The following TM2D1 variants were observed in gnomAD, a reference collection of about 807,000 sequenced individuals.
The protein encoded by TM2D1 is TM2 domain-containing protein 1.
A neutral mutation model predicts 28.4 loss-of-function variants in TM2D1; 15 were observed. The ratio of observed to expected loss-of-function variants is 0.53; its 90% CI spans 0.35 to 0.81. The LOEUF is 0.81. Ranked by LOEUF, TM2D1 falls within the 40% of genes least tolerant of loss-of-function variation. The pLI, the probability that TM2D1 is intolerant of heterozygous loss-of-function variation, is 0.01. For synonymous variants in TM2D1, 93 were observed against 96.2 expected (o/e 0.97, Z 0.20); for missense variants, 236 against 254.9 (o/e 0.93, Z 0.50).
intron 2 of TM2D1, among the ~76,000 whole-genome samples, chr1:61,721,449 G>A (rs1406989494): frequency 1.3e-5 from 2 of 151,346 alleles, no homozygotes; most frequent in Non-Finnish European, 2.9e-5. Flanking sequence ...GGCTGAGGCA[G>A]GAGAATCACT....
chr1:61,721,772 G>T (rs960907184), intron 2 of TM2D1, among the ~76,000 whole-genome samples: 1 of 151,700 alleles, frequency 6.6e-6, no homozygotes, highest in Non-Finnish European at 1.5e-5. Context: ...TCAGGAGTTA[G>T]AATTGATTCA....
intron 2 of TM2D1, among the ~76,000 whole-genome samples, chr1:61,720,087 C>T (rs889905850): frequency 6.6e-6 from 1 of 152,094 alleles, no homozygotes; most frequent in African/African-American, 2.4e-5. Context: ...ACATACTATA[C>T]TTTAATACAA....
chr1:61,703,508 G>T (rs1474570472), intron 3 of TM2D1, among the ~76,000 whole-genome samples: 14 of 144,998 alleles, frequency 9.7e-5, no homozygotes, highest in Admixed American at 2.1e-4. Context: ...CACCTTCCGG[G>T]TTCAAGCAAT....
intron 2 of TM2D1, among the ~76,000 whole-genome samples, chr1:61,717,426 A>G (rs1644530361): frequency 6.6e-6 from 1 of 152,126 alleles, no homozygotes; most frequent in African/African-American, 2.4e-5. Flanking sequence ...AAATTAAGCA[A>G]CATGCTATAA....
At chr1:61,691,495 C>CAAAAAAAAAAAAA (rs1183951634) in intron 5 of TM2D1, among the ~76,000 whole-genome samples, 1 of 39,348 alleles carries the variant, frequency 2.5e-5, no homozygotes, top group Non-Finnish European at 5.1e-5. Flanking sequence ...AACTCCATCT[C>CAAAAAAAAAAAAA]AAAAAAAAAA....
chr1:61,709,113 C>A (rs956894029), intron 3 of TM2D1, among the ~76,000 whole-genome samples: 1 of 152,002 alleles, frequency 6.6e-6, no homozygotes, highest in African/African-American at 2.4e-5. Flanking sequence ...TGAAGTGAGC[C>A]GTGATCATGC....
chr1:61,700,973 A>G lies in TM2D1; in HGVS notation c.400T>C (p.Leu134=). ...AVALSLFLGW[L]GADRFYLGYP... is the part of the protein sequence containing the mutation. Reference sequence around the variant, plus strand: ...CCAAGGTAAAATCGATCTGCTCCCAACCATCCAAGAAAAAGAGACAATGCG... The same window carrying G: ...CCAAGGTAAAATCGATCTGCTCCCAGCCATCCAAGAAAAAGAGACAATGCG... The change falls in exon 4 of 7, where the codon TTG becomes CTG. Residue 134 remains leucine, a synonymous_variant. Transcript: ENST00000606498. The G allele has an allele frequency of 5.6e-6, 9 of 1,612,616 alleles. No homozygotes were observed. Among genetic ancestry groups the G allele is most frequent in the Non-Finnish European group, 7.6e-6 (9 of 1,179,274 alleles).
At chr1:61,716,375 ATATAATTT>A (rs1445629739) in intron 2 of TM2D1, among the ~76,000 whole-genome samples, 4 of 146,006 alleles carry the variant, frequency 2.7e-5, no homozygotes, top group Admixed American at 7.0e-5. Context: ...ATATATAATT[ATATAATTT>A]TATATATAAT....
Position 61,701,868 on chromosome 1 carries a change from T to A in TM2D1, c.348-843A>T, listed in dbSNP as rs1057369807. Among the ~76,000 whole-genome samples, 7 of 152,012 alleles carry A rather than the reference T, an allele frequency of 4.6e-5. No homozygotes were observed. In the South Asian group the frequency reaches 1.2e-3, roughly 27 times the overall value. ...ACAAGGCAGAAGCAAACAGGCTACA[T>A]GTGGGGAATGAGGGAAAAGGAGAAG... On this transcript the variant is annotated intron_variant, in intron 3 of 6. Coordinates refer to ENST00000606498, the MANE Select transcript of TM2D1 (RefSeq NM_032027.3).
intron 5 of TM2D1, among the ~76,000 whole-genome samples, chr1:61,684,737 A>G (rs1161007410): frequency 6.6e-6 from 1 of 152,194 alleles, no homozygotes; most frequent in African/African-American, 2.4e-5. Context: ...TTTAATTTTA[A>G]TGAATAAGAT....
chr1:61,701,817 G>A (rs1644403760), intron 3 of TM2D1, among the ~76,000 whole-genome samples: 1 of 152,102 alleles, frequency 6.6e-6, no homozygotes, highest in Admixed American at 6.6e-5. Flanking sequence ...GTGGGAGAAA[G>A]AAGTGAACAA....
rs969201849 is a variant in TM2D1, at chr1:61,710,885, A to G, written c.239-1448T>C. Among the ~76,000 whole-genome samples the G allele has an allele frequency of 3.9e-5, 6 of 152,332 alleles. No individual in the cohort carries two copies. In the South Asian group the frequency reaches 1.0e-3, roughly 26 times the overall value. ...ATGGTTAAAAAAACAAACAAACCCT[A>G]TAATGACTTCTACACCTATTTGTCA... On this transcript the variant is annotated intron_variant, in intron 2 of 6. Coordinates refer to ENST00000606498, the MANE Select transcript of TM2D1 (RefSeq NM_032027.3).
chr1:61,709,474 T>C, intron 2 of TM2D1, 37 bp from the exon 3 acceptor site: 1 of 1,449,992 alleles, frequency 6.9e-7, no homozygotes, highest in Middle Eastern at 1.7e-4. Flanking sequence ...GTTATTTTTT[T>C]TTTCTGGAGA....
chr1:61,690,844 C>T (rs552420683), intron 5 of TM2D1, among the ~76,000 whole-genome samples: 14 of 152,292 alleles, frequency 9.2e-5, no homozygotes, highest in African/African-American at 3.4e-4. Context: ...ATATCAAACT[C>T]ATGAAACATA....
At chr1:61,703,793 G>C (rs957200208) in intron 3 of TM2D1, among the ~76,000 whole-genome samples, 2 of 118,540 alleles carry the variant, frequency 1.7e-5, no homozygotes, top group Non-Finnish European at 3.4e-5. Context: ...TTTCGCTCTT[G>C]TCACCCAGAC....
intron 2 of TM2D1, among the ~76,000 whole-genome samples, chr1:61,716,435 GTATAATTATATATAATTTTATATACATA>G (rs1367448355): frequency 1.7e-4 from 23 of 136,302 alleles, no homozygotes; most frequent in African/African-American, 2.4e-4. Context: ...ATATATAAGT[GTATAATTATATATAATTTTATATACATA>G]TATAATTATA....
At chr1:61,695,081 T>C (rs1644354182) in intron 4 of TM2D1, among the ~76,000 whole-genome samples, 1 of 152,076 alleles carries the variant, frequency 6.6e-6, no homozygotes, top group South Asian at 2.1e-4. Context: ...TAAATCTCAG[T>C]ACACCAGAGT....
At chr1:61,704,856 T>C (rs1167089254) in intron 3 of TM2D1, among the ~76,000 whole-genome samples, 1 of 152,132 alleles carries the variant, frequency 6.6e-6, no homozygotes, top group Admixed American at 6.5e-5. Context: ...CTTCAGGCCA[T>C]GAATTTGAGA....
intron 4 of TM2D1, among the ~76,000 whole-genome samples, 159 bp from the exon 5 acceptor site, chr1:61,694,929 T>C (rs965465294): frequency 2.0e-5 from 3 of 151,772 alleles, no homozygotes; most frequent in Non-Finnish European, 2.9e-5. Context: ...CACTTGAAAA[T>C]GAGAAGAGTT....
Sources: gnomAD v4.1 joint callset for allele counts (sites outside exome capture counted in the v4.1 genomes callset) on GRCh38, gnomAD v4.1.1 for gene constraint, MANE v1.5 for transcripts, NCBI Gene and HGNC (gene_info 2026-07-23, HGNC 2026-07-21) for gene names.